ESRRG: variants seen among roughly 807,000 people sequenced by gnomAD.
ESRRG encodes estrogen related receptor gamma, also known as estrogen-related receptor gamma.
In ESRRG, 13 loss-of-function variants were observed where a neutral mutation model predicts 44.0. That is an observed-to-expected ratio of 0.30 (90% confidence interval 0.19 to 0.47). The LOEUF (loss-of-function observed/expected upper bound fraction) is 0.47. Among genes scored for constraint, ESRRG ranks in the 20% least tolerant of loss-of-function variants. The pLI is 1.00. For missense variants in ESRRG, 395 were observed against 580.6 expected, an observed-to-expected ratio of 0.68 and a Z score of 3.29; for synonymous variants, 215 against 214.6, an observed-to-expected ratio of 1.00 and a Z score of -0.02.
intron 1 of ESRRG, among the ~76,000 whole-genome samples, chr1:217,130,597 G>C (rs1264764802): frequency 6.6e-6 from 1 of 152,022 alleles, no homozygotes; most frequent in Admixed American, 6.5e-5. Context: ...CAATAGTTTA[G>C]CTAATTTGGT....
intron 2 of ESRRG, among the ~76,000 whole-genome samples, chr1:216,775,864 T>C (rs1045841499): frequency 9.2e-5 from 14 of 151,894 alleles, no homozygotes; most frequent in Non-Finnish European, 1.5e-5. Flanking sequence ...CGTGCCAAGC[T>C]ATTTTTTTAT....
intron 2 of ESRRG, among the ~76,000 whole-genome samples, chr1:216,757,774 C>A (rs1416093279): frequency 1.3e-5 from 2 of 152,028 alleles, no homozygotes; most frequent in Non-Finnish European, 2.9e-5. Flanking sequence ...GACTTCAGAG[C>A]CACAGATATC....
chr1:216,959,843 A>G (rs1355860216), intron 1 of ESRRG, among the ~76,000 whole-genome samples: 1 of 152,148 alleles, frequency 6.6e-6, no homozygotes, highest in Non-Finnish European at 1.5e-5. Flanking sequence ...ATACATGTAT[A>G]GAGAATTTTT....
chr1:216,623,077 CTTTTTT>C (rs370657704), intron 3 of ESRRG, among the ~76,000 whole-genome samples: 4 of 88,660 alleles, frequency 4.5e-5, no homozygotes, highest in African/African-American at 1.8e-4. Context: ...AATCATTAAA[CTTTTTT>C]TTTTTTTTTT....
At chr1:216,919,678 A>G (rs913584985) in intron 2 of ESRRG, among the ~76,000 whole-genome samples, 1 of 152,242 alleles carries the variant, frequency 6.6e-6, no homozygotes, top group Non-Finnish European at 1.5e-5. Context: ...CTTGCATTGC[A>G]TATCCGAATT....
At position 217,114,272 on chromosome 1, in the gene ESRRG, C is replaced by T. The variant is rs149770831; in HGVS notation, c.-230+23395G>A. ...GGTTTCAGGAAGCCTCATGCACTTT[C>T]TGAGTTATGTTATCCCCTCACACCT... On this transcript the variant is annotated intron_variant, in intron 1 of 8. Coordinates refer to the ESRRG transcript ENST00000366940. Among the ~76,000 whole-genome samples the T allele has an allele frequency of 4.5e-3, 681 of 151,952 alleles. 4 individuals are homozygous for T. The highest frequency in any genetic ancestry group is 0.016 in the African/African-American group (649 of 41,460).
chr1:216,795,342 CTTT>C (rs35142972), intron 2 of ESRRG, among the ~76,000 whole-genome samples: 19 of 105,412 alleles, frequency 1.8e-4, no homozygotes, highest in African/African-American at 4.0e-4. Flanking sequence ...TTTTCTTTTT[CTTT>C]TTTTTTTTTT....
At chr1:216,790,292 A>C (rs2094276998) in intron 2 of ESRRG, among the ~76,000 whole-genome samples, 1 of 152,136 alleles carries the variant, frequency 6.6e-6, no homozygotes, top group Admixed American at 6.6e-5. Flanking sequence ...CCTGAATCTA[A>C]CACTGGGTAG....
intron 2 of ESRRG, among the ~76,000 whole-genome samples, chr1:216,818,230 T>C (rs1056584287): frequency 6.6e-6 from 1 of 152,350 alleles, no homozygotes; most frequent in Non-Finnish European, 1.5e-5. Flanking sequence ...AGTGACGTTT[T>C]TTGTCATTTC....
chr1:216,965,107 A>C (rs1181617545), intron 1 of ESRRG, among the ~76,000 whole-genome samples: 2 of 152,166 alleles, frequency 1.3e-5, no homozygotes, highest in Non-Finnish European at 2.9e-5. Flanking sequence ...AATGCAAGTC[A>C]AATGTATCAT....
intron 3 of ESRRG, among the ~76,000 whole-genome samples, chr1:216,580,346 TAAGAA>T (rs2149799816): frequency 6.6e-6 from 1 of 152,160 alleles, no homozygotes; most frequent in Non-Finnish European, 1.5e-5. Flanking sequence ...TACAGTAAAT[TAAGAA>T]AAGTATAGAA....
At chr1:216,773,700 A>T (rs74141649) in intron 2 of ESRRG, among the ~76,000 whole-genome samples, 4,909 of 152,190 alleles carry the variant, frequency 0.032, 272 homozygotes, top group African/African-American at 0.11. Context: ...GAAAATAGTC[A>T]GACTTGGATC....
chr1:216,913,213 C>A (rs2060710623), intron 2 of ESRRG, among the ~76,000 whole-genome samples: 1 of 150,468 alleles, frequency 6.6e-6, no homozygotes, highest in Non-Finnish European at 1.5e-5. Context: ...GACTTTTTTT[C>A]CTTGTCATTA....
chr1:216,914,218 G>A (rs889302731), intron 2 of ESRRG, among the ~76,000 whole-genome samples: 1 of 152,082 alleles, frequency 6.6e-6, no homozygotes, highest in African/African-American at 2.4e-5. Flanking sequence ...TCTAATCTCA[G>A]CTCTGACACG....
chr1:217,000,915 G>C (rs1274989263), intron 1 of ESRRG, among the ~76,000 whole-genome samples: 1 of 152,234 alleles, frequency 6.6e-6, no homozygotes, highest in Non-Finnish European at 1.5e-5. Context: ...CATTCAATCA[G>C]GGACAATGCC....
chr1:216,945,360 T>C (rs896607790), intron 1 of ESRRG, among the ~76,000 whole-genome samples: 1 of 152,124 alleles, frequency 6.6e-6, no homozygotes, highest in Non-Finnish European at 1.5e-5. Flanking sequence ...TGTAACATGA[T>C]GCTTCCTTTG....
At chr1:217,102,120 A>AAAAT (rs2092524425) in intron 1 of ESRRG, among the ~76,000 whole-genome samples, 2 of 152,336 alleles carry the variant, frequency 1.3e-5, no homozygotes, top group South Asian at 4.1e-4. Flanking sequence ...CCAACTTTTT[A>AAAAT]AAATAAATTA....
chr1:216,568,523 C>T (rs2060095059), intron 3 of ESRRG, among the ~76,000 whole-genome samples: 1 of 152,124 alleles, frequency 6.6e-6, no homozygotes, highest in Admixed American at 6.5e-5. Context: ...CTCCAGTCTG[C>T]CAGAGGCCTC....
At position 216,677,065 on chromosome 1, in the gene ESRRG, C is replaced by T; in HGVS notation, c.472+11G>A. ...GGAAGTGGGGAGAGTATTCCCAGGT[C>T]CGACACTAACCTTGAATTGTCCTCT... On this transcript the variant is annotated intron_variant, in intron 2 of 6. Coordinates refer to ENST00000408911, the MANE Select transcript of ESRRG (RefSeq NM_001438.4). The T allele has an allele frequency of 6.2e-7, 1 of 1,607,632 alleles. No individual in the cohort carries two copies. The highest frequency in any genetic ancestry group is 1.7e-5 in the Admixed American group (1 of 59,874).
Sources: allele counts gnomAD v4.1 joint callset (sites outside exome capture counted in the v4.1 genomes callset), GRCh38; gene constraint gnomAD v4.1.1; transcripts MANE v1.5; gene names NCBI Gene and HGNC (gene_info 2026-07-23, HGNC 2026-07-21).